ECT2L: variants seen among roughly 807,000 people sequenced by gnomAD.
ECT2L encodes the protein epithelial cell-transforming sequence 2 oncogene-like.
In ECT2L, 126 loss-of-function variants were observed where a neutral mutation model predicts 122.8. That is an observed-to-expected ratio of 1.03 (90% CI 0.89 to 1.19). The LOEUF (loss-of-function observed/expected upper bound fraction) is 1.19. Ranked by LOEUF, ECT2L falls within the 50% of genes most tolerant of loss-of-function variation. ECT2L has a pLI of 0.00. For synonymous variants in ECT2L, 385 were observed against 381.8 expected, an observed-to-expected ratio of 1.01 and a Z score of -0.10; for missense variants, 1,012 against 1,064.1, an observed-to-expected ratio of 0.95 and a Z score of 0.68.
chr6:138,797,833 C>A (rs544218604), intron 1 of ECT2L, among the ~76,000 whole-genome samples: 4 of 152,042 alleles, frequency 2.6e-5, no homozygotes, highest in African/African-American at 9.7e-5. Context: ...AGATCCCATA[C>A]GTTCAGGGCT....
chr6:138,843,650 C>T (rs148561567), intron 6 of ECT2L, among the ~76,000 whole-genome samples: 5 of 152,108 alleles, frequency 3.3e-5, no homozygotes, highest in Admixed American at 2.0e-4. Flanking sequence ...CAGCTCTTTC[C>T]GCTCTTTTTA....
chr6:138,885,534 C>A lies in ECT2L; in HGVS notation c.2057C>A (p.Thr686Asn), dbSNP rs750896814. ...KCREMIPAFRTFLKRHDKTIV... is the reference protein window; with the variant it reads ...KCREMIPAFRNFLKRHDKTIV... ...AGAGAAATGATACCAGCATTCCGAA[C>A]TTTCCTGAAGAGGCATGATAAGACC... The change falls in exon 17 of 22, where the codon ACT becomes AAT. Residue 686 changes from threonine to asparagine, a missense_variant. Transcript: ENST00000541398. 8 of 1,614,166 alleles carry A rather than the reference C, an allele frequency of 5.0e-6. No homozygotes were observed. The highest frequency in any genetic ancestry group is 6.8e-6 in the Non-Finnish European group (8 of 1,180,028).
intron 12 of ECT2L, among the ~76,000 whole-genome samples, chr6:138,867,073 C>CA (rs1350795526): frequency 5.5e-5 from 8 of 145,976 alleles, no homozygotes; most frequent in Non-Finnish European, 1.1e-4. Context: ...GACCCTGTCT[C>CA]AAAAAAAACA....
chr6:138,889,855 G>A (rs1464357751), intron 20 of ECT2L, among the ~76,000 whole-genome samples: 1 of 152,128 alleles, frequency 6.6e-6, no homozygotes, highest in Non-Finnish European at 1.5e-5. Flanking sequence ...ACAAGGATGG[G>A]CAAACTTTTC....
At chr6:138,858,697 C>CTTTTT (rs35946003) in intron 10 of ECT2L, among the ~76,000 whole-genome samples, 1 of 59,324 alleles carries the variant, frequency 1.7e-5, no homozygotes, top group Admixed American at 2.6e-4. Context: ...TAGAATTTTC[C>CTTTTT]TTTTTTTTTT....
rs1777155386 is a variant in ECT2L at position 138,844,553 on chromosome 6, T to A, written c.737T>A (p.Leu246Ter). The change falls in exon 7 of 22, where the codon TTG becomes TAG. Residue 246 changes from leucine (L) to a stop codon, truncating the protein, a stop_gained. Coordinates refer to ENST00000541398, the MANE Select transcript of ECT2L (RefSeq NM_001077706.3). LOFTEE classifies it high-confidence loss of function. ...LHEALEKQLVLTSLETLPKRS... is the reference protein window; with the variant it reads ...LHEALEKQLV ...GAAGCTTTGGAGAAACAGCTTGTTT[T>A]GACATCGTTAGAAACCTTGCCCAAG... 6.2e-7 allele frequency: 1 copy of A among 1,614,038 alleles called. No individual in the cohort carries two copies. The highest frequency in any genetic ancestry group is 8.5e-7 in the Non-Finnish European group (1 of 1,180,036).
At chr6:138,869,299 A>G (rs1778160033) in intron 13 of ECT2L, among the ~76,000 whole-genome samples, 1 of 152,240 alleles carries the variant, frequency 6.6e-6, no homozygotes, top group South Asian at 2.1e-4. Context: ...ATTCTCAAGG[A>G]GAGTCTCAAA....
At chr6:138,806,961 ATGT>A (rs139628577) in intron 1 of ECT2L, among the ~76,000 whole-genome samples, 2,029 of 152,280 alleles carry the variant, frequency 0.013, 49 homozygotes, top group African/African-American at 0.046. Context: ...AGAGAAAAAA[ATGT>A]TATTAAGAAA....
At chr6:138,902,444 C>A in intron 21 of ECT2L, 56 bp from the exon 22 acceptor site, 2 of 1,515,288 alleles carry the variant, frequency 1.3e-6, no homozygotes, top group Non-Finnish European at 1.8e-6. Flanking sequence ...AACATTTTTT[C>A]TCATTTTGAT....
At chr6:138,848,872 C>A (rs931168280) in intron 8 of ECT2L, among the ~76,000 whole-genome samples, 3 of 152,194 alleles carry the variant, frequency 2.0e-5, no homozygotes, top group African/African-American at 7.2e-5. Flanking sequence ...CCAGGCTGGT[C>A]TCTAACTCTT....
chr6:138,851,061 A>T (rs1016405796), intron 9 of ECT2L, among the ~76,000 whole-genome samples: 2 of 148,558 alleles, frequency 1.3e-5, no homozygotes, highest in African/African-American at 4.9e-5. Context: ...TGAATTCTCG[A>T]TGCTGTTTTC....
At chr6:138,851,230 C>T (rs902866503) in intron 9 of ECT2L, among the ~76,000 whole-genome samples, 12 of 151,864 alleles carry the variant, frequency 7.9e-5, no homozygotes, top group Admixed American at 6.6e-4. Context: ...GCTCTGTTTC[C>T]TAAGGTGAAA....
At chr6:138,882,991 T>C in intron 16 of ECT2L, 120 bp downstream of exon 16, 1 of 1,078,862 alleles carries the variant, frequency 9.3e-7, no homozygotes, top group Non-Finnish European at 1.3e-6. Flanking sequence ...CCAGCTGTCT[T>C]CCCATACTGT....
chr6:138,874,596 G>T (rs1338035837), intron 13 of ECT2L, among the ~76,000 whole-genome samples: 1 of 152,086 alleles, frequency 6.6e-6, no homozygotes, highest in Admixed American at 6.5e-5. Context: ...GTGGTCTGGG[G>T]GGGTCCATGA....
At chr6:138,844,780 T>C (rs1777163420) in intron 7 of ECT2L, among the ~76,000 whole-genome samples, 200 bp downstream of exon 7, 1 of 148,930 alleles carries the variant, frequency 6.7e-6, no homozygotes, top group African/African-American at 2.5e-5. Context: ...ATACAAAACT[T>C]ACATTTTAAA....
chr6:138,860,074 C>T (rs532335963), intron 10 of ECT2L, among the ~76,000 whole-genome samples: 6 of 152,180 alleles, frequency 3.9e-5, no homozygotes, highest in Non-Finnish European at 8.8e-5. Flanking sequence ...ATCTGCCCAC[C>T]TTGGCCTCCC....
intron 9 of ECT2L, among the ~76,000 whole-genome samples, chr6:138,850,654 A>G (rs1777404600): frequency 6.6e-6 from 1 of 152,196 alleles, no homozygotes; most frequent in Non-Finnish European, 1.5e-5. Flanking sequence ...AATTTTGGAT[A>G]TATACCCAGA....
intron 13 of ECT2L, 111 bp from the exon 14 acceptor site, chr6:138,876,361 G>A (rs1306280143): frequency 3.0e-6 from 2 of 671,504 alleles, no homozygotes; most frequent in Non-Finnish European, 5.3e-6. Flanking sequence ...AGGGAACACT[G>A]TGGTTGGGGC....
intron 21 of ECT2L, among the ~76,000 whole-genome samples, chr6:138,901,711 T>C (rs1037516246): frequency 6.6e-6 from 1 of 152,234 alleles, no homozygotes; most frequent in African/African-American, 2.4e-5. Flanking sequence ...TATTATCCTA[T>C]ACTTTACTTC....
Sources: allele counts gnomAD v4.1 joint callset (sites outside exome capture counted in the v4.1 genomes callset), GRCh38; gene constraint gnomAD v4.1.1; transcripts MANE v1.5; gene names NCBI Gene and HGNC (gene_info 2026-07-23, HGNC 2026-07-21).